Variants in VPS13B observed in about 807,000 individuals in gnomAD.
VPS13B encodes the protein intermembrane lipid transfer protein VPS13B.
VPS13B carries 285 observed loss-of-function variants against 426.4 expected under a neutral mutation model. The ratio of observed to expected loss-of-function variants is 0.67; its 90% CI spans 0.61 to 0.74. The LOEUF is 0.74. VPS13B is among the 30% of genes least tolerant of loss of function. The pLI, the probability that VPS13B is intolerant of heterozygous loss-of-function variation, is 0.00. For missense variants in VPS13B, 4,537 were observed against 4,782.6 expected (o/e 0.95, Z 1.51); for synonymous variants, 1,676 against 1,676.4 (o/e 1.00, Z 0.01).
chr8:99,337,218 A>G (rs1282414326), intron 19 of VPS13B, among the ~76,000 whole-genome samples: 1 of 152,154 alleles, frequency 6.6e-6, no homozygotes, highest in Non-Finnish European at 1.5e-5. Context: ...TTGTAGGGAC[A>G]TGGATGAAAT....
intron 42 of VPS13B, among the ~76,000 whole-genome samples, chr8:99,780,368 C>G (rs1048776271): frequency 2.0e-5 from 3 of 152,166 alleles, no homozygotes; most frequent in African/African-American, 7.2e-5. Context: ...TAAGGGGACT[C>G]ATGTGTAGCA....
chr8:99,065,686 T>A (rs1000092342), intron 3 of VPS13B, among the ~76,000 whole-genome samples: 3 of 152,226 alleles, frequency 2.0e-5, no homozygotes, highest in Non-Finnish European at 2.9e-5. Flanking sequence ...AAGGAAGTTG[T>A]ATTCAGTTAG....
chr8:99,378,055 C>T (rs916469972), intron 19 of VPS13B, among the ~76,000 whole-genome samples: 15 of 149,948 alleles, frequency 1.0e-4, no homozygotes, highest in African/African-American at 2.9e-4. Flanking sequence ...AGCCTGGGGG[C>T]GCTGCAGGAG....
intron 33 of VPS13B, among the ~76,000 whole-genome samples, chr8:99,581,192 A>G (rs1378300980): frequency 6.6e-6 from 1 of 152,124 alleles, no homozygotes; most frequent in African/African-American, 2.4e-5. Flanking sequence ...AAAAAAAAAA[A>G]AGTATAATAT....
At position 99,242,418 on chromosome 8, in the gene VPS13B, A is replaced by G. The variant is rs187313524; in HGVS notation, c.2516-31780A>G. 4.8e-3 allele frequency among the ~76,000 whole-genome samples: 733 copies of G among 152,372 alleles called. 5 individuals carry two copies. Among genetic ancestry groups the G allele is most frequent in the African/African-American group, 0.016 (681 of 41,594 alleles). ...CATTGCTCAACAAGAACTGTTTATC[A>G]GAATGGTTATATTTGTTTTTGTTTT... On this transcript the variant is annotated intron_variant, in intron 17 of 61. Transcript: ENST00000357162.
intron 7 of VPS13B, among the ~76,000 whole-genome samples, chr8:99,116,410 T>C (rs917332223): frequency 6.6e-6 from 1 of 152,114 alleles, no homozygotes; most frequent in Non-Finnish European, 1.5e-5. Context: ...TCTATATTTA[T>C]AATAGATATA....
At position 99,142,909 on chromosome 8, in the gene VPS13B, G is replaced by A. The variant is rs1018456556; in HGVS notation, c.1652-65G>A. The stretch of plus-strand genomic sequence containing the variant: ...CAAGCTATAAAAATGAGAGAAGAGC[G>A]ATTTTAAAATATTTACTTGGTATAT... On this transcript the variant is annotated intron_variant, in intron 12 of 61. Transcript: ENST00000357162. The A allele has an allele frequency of 1.9e-5, 28 of 1,507,846 alleles. No homozygotes were observed. In the African/African-American group the frequency reaches 2.2e-4, roughly 12 times the overall value. The allele number at this position is 1,507,846 out of a possible 1,614,324, so 93.4% of individuals were successfully genotyped here.
rs199881514 is a variant in VPS13B, at chr8:99,275,253, C to T, written c.2823C>T (p.Ser941=). Residue 941 remains serine (S), a splice_region_variant and synonymous_variant, in exon 19 of 62, where the codon TCC becomes TCT. Coordinates refer to ENST00000357162, the MANE Select transcript of VPS13B (RefSeq NM_152564.5). ...AATATATTGACTACTGCCACAATTC[C>T]GGTAAGTACAAACCTATCATTATTC... ...VPQYIDYCHN[S]GAVLLCSIQG... The T allele has an allele frequency of 1.9e-5, 31 of 1,608,674 alleles. No individual in the cohort carries two copies. Among genetic ancestry groups the T allele is most frequent in the African/African-American group, 8.1e-5 (6 of 74,168 alleles).
rs754801385 is a variant in VPS13B at position 99,854,251 on chromosome 8, G to A, written c.10862G>A (p.Arg3621Lys). Residue 3621 changes from arginine to lysine, a missense_variant, in exon 56 of 62, where the codon AGA becomes AAA. Arg to Lys is a conservative substitution (Grantham distance 26). This residue lies in a region of VPS13B where 4,311 missense variants were observed against 4,474.3 expected (regional missense o/e 0.96). Transcript: ENST00000357162. ...AMHYAAGALFRAGWVVGSLDI... is the reference protein window; with the variant it reads ...AMHYAAGALFKAGWVVGSLDI... ...CACTATGCCGCTGGGGCCCTTTTTA[G>A]AGCAGGTAAGAACACAAGCTGAGGG... 6.2e-7 allele frequency: 1 copy of A among 1,613,394 alleles called. No homozygotes were observed.
intron 19 of VPS13B, among the ~76,000 whole-genome samples, chr8:99,336,169 T>C (rs940930850): frequency 4.6e-5 from 7 of 152,026 alleles, no homozygotes; most frequent in Non-Finnish European, 7.4e-5. Context: ...AACAGAGATA[T>C]AGATCAATGG....
intron 30 of VPS13B, among the ~76,000 whole-genome samples, chr8:99,549,151 C>T (rs1474002043): frequency 6.6e-6 from 1 of 152,054 alleles, no homozygotes; most frequent in Non-Finnish European, 1.5e-5. Context: ...AAATTTTCCA[C>T]AATAAAGTTT....
intron 30 of VPS13B, among the ~76,000 whole-genome samples, chr8:99,540,009 TAAATTATATATATATATATA>T (rs1273877749): frequency 1.2e-5 from 1 of 86,680 alleles, no homozygotes; most frequent in Non-Finnish European, 2.2e-5. Context: ...AATATATAAA[TAAATTATATATATATATATA>T]TATATATATA....
intron 35 of VPS13B, among the ~76,000 whole-genome samples, chr8:99,666,311 G>A (rs1236282988): frequency 6.6e-6 from 1 of 152,134 alleles, no homozygotes; most frequent in African/African-American, 2.4e-5. Flanking sequence ...CATTTTATGA[G>A]GCCAGCATCA....
intron 33 of VPS13B, among the ~76,000 whole-genome samples, chr8:99,626,794 G>A (rs1295284570): frequency 6.6e-6 from 1 of 152,134 alleles, no homozygotes; most frequent in African/African-American, 2.4e-5. Flanking sequence ...CAAAGGAACT[G>A]AAATCAATAT....
chr8:99,665,676 A>G (rs1025604676), intron 35 of VPS13B, among the ~76,000 whole-genome samples: 3 of 152,148 alleles, frequency 2.0e-5, no homozygotes, highest in Non-Finnish European at 2.9e-5. Flanking sequence ...CCATTGGTCT[A>G]TAGCTCTGTT....
At chr8:99,463,693 CTATTT>C (rs1224952826) in intron 23 of VPS13B, among the ~76,000 whole-genome samples, 1 of 151,946 alleles carries the variant, frequency 6.6e-6, no homozygotes, top group Admixed American at 6.6e-5. Flanking sequence ...CTTTAACTGT[CTATTT>C]TATTTTATTT....
chr8:99,269,967 A>C (rs764195321), intron 17 of VPS13B, among the ~76,000 whole-genome samples: 1 of 151,862 alleles, frequency 6.6e-6, no homozygotes, highest in African/African-American at 2.4e-5. Flanking sequence ...AAATTACTTT[A>C]TAAAAAACTT....
At chr8:99,133,784 G>C (rs932635461) in intron 8 of VPS13B, among the ~76,000 whole-genome samples, 1 of 152,110 alleles carries the variant, frequency 6.6e-6, no homozygotes, top group Non-Finnish European at 1.5e-5. Context: ...TCTTAAATGG[G>C]CATGTTCATG....
At chr8:99,498,170 G>A (rs1821033068) in intron 25 of VPS13B, among the ~76,000 whole-genome samples, 1 of 152,046 alleles carries the variant, frequency 6.6e-6, no homozygotes, top group Admixed American at 6.5e-5. Context: ...ATAATCTGAG[G>A]TTAGCTTACA....
Sources: gnomAD v4.1 joint callset for allele counts (sites outside exome capture counted in the v4.1 genomes callset) on GRCh38, gnomAD v4.1.1 for gene constraint, gnomAD v4.1.1 regional missense constraint, MANE v1.5 for transcripts, NCBI Gene and HGNC (gene_info 2026-07-23, HGNC 2026-07-21) for gene names.